SFXN2: variants seen among roughly 807,000 people sequenced by gnomAD.
SFXN2 encodes sideroflexin-2.
In SFXN2, 37 loss-of-function variants were observed where a neutral mutation model predicts 41.9. The ratio of observed to expected loss-of-function variants is 0.88; its 90% CI spans 0.68 to 1.16. SFXN2 has a LOEUF of 1.16. Among genes scored for constraint, SFXN2 ranks in the 50% most tolerant of loss-of-function variants. The pLI is 0.00. For missense variants in SFXN2, 386 were observed against 425.2 expected, an observed-to-expected ratio of 0.91 and a Z score of 0.81; for synonymous variants, 150 against 156.7, an observed-to-expected ratio of 0.96 and a Z score of 0.32.
rs1454831740 is a variant in SFXN2, at chr10:102,729,382, C to G, written c.495C>G (p.Asn165Lys). 6.2e-7 allele frequency: 1 copy of G among 1,614,120 alleles called. No individual in the cohort carries two copies. Among genetic ancestry groups the G allele is most frequent in the Non-Finnish European group, 8.5e-7 (1 of 1,180,008 alleles). Reference sequence around the variant, plus strand: ...CTGTGGCCACGGCTGTGGGCATGAACATGTTGACAAAGGTATGGTCTGGGG... The same window carrying G: ...CTGTGGCCACGGCTGTGGGCATGAAGATGTTGACAAAGGTATGGTCTGGGG... The part of the protein sequence containing the change: ...TTAVATAVGM[N>K]MLTKKAPPLV... Residue 165 changes from asparagine to lysine, a missense_variant, in exon 5 of 12, where the codon AAC (asparagine) becomes AAG (lysine). By Grantham distance (94) the Asn-to-Lys change is moderately conservative. Coordinates refer to ENST00000369893, the MANE Select transcript of SFXN2 (RefSeq NM_178858.6).
chr10:102,725,416 A>T (rs1413491847), intron 1 of SFXN2, among the ~76,000 whole-genome samples: 1 of 152,180 alleles, frequency 6.6e-6, no homozygotes, highest in Non-Finnish European at 1.5e-5. Context: ...CCTCAAGGGT[A>T]GACCTTGTTG....
chr10:102,715,488 C>A (rs1423575003), intron 1 of SFXN2, among the ~76,000 whole-genome samples: 1 of 152,190 alleles, frequency 6.6e-6, no homozygotes, highest in Non-Finnish European at 1.5e-5. Flanking sequence ...TACCTCCCAT[C>A]CCTTTCCCGA....
rs1247073020 is a variant in SFXN2 at position 102,732,046 on chromosome 10, C to A, written c.655-106C>A. On this transcript the variant is annotated intron_variant, in intron 7 of 11. Coordinates refer to ENST00000369893, the MANE Select transcript of SFXN2 (RefSeq NM_178858.6). ...TCAGCAACTGGAGGGTCCTTCCCTT[C>A]CCCTTTACCATCTCAGACTTGGCCA... 57 of 1,112,834 alleles carry A rather than the reference C, an allele frequency of 5.1e-5. No homozygotes were observed. The East Asian group carries it at 1.3e-3, about 26-fold the overall frequency. The allele number at this position is 1,112,834 out of a possible 1,614,324, so 68.9% of individuals were successfully genotyped here. A position where few individuals can be genotyped will look rare whatever the true frequency, so the allele number is the denominator to read the frequency against.
At position 102,737,671 on chromosome 10, in the gene SFXN2, C is replaced by T. The variant is rs749099252; in HGVS notation, c.878C>T (p.Pro293Leu). ...CGLFPQKCEL[P>L]VSYLEPKLQD... ...CACTTCTCTCTTTTCAGTGAATTGC[C>T]AGTTTCCTATCTGGAACCGAAGCTC... Residue 293 changes from proline to leucine, a missense_variant, in exon 12 of 12, where the codon CCA becomes CTA. Transcript: ENST00000369893. The T allele has an allele frequency of 1.2e-6, 2 of 1,611,290 alleles. No homozygotes were observed. The highest frequency in any genetic ancestry group is 1.7e-6 in the Non-Finnish European group (2 of 1,177,872).
At chr10:102,726,487 C>A in intron 1 of SFXN2, 125 bp from the exon 2 acceptor site, 1 of 988,720 alleles carries the variant, frequency 1.0e-6, no homozygotes, top group Non-Finnish European at 1.5e-6. Context: ...TGGGCCCTCC[C>A]AAGCTGAGTC....
In SFXN2 at chr10:102,731,729, C is replaced by G. The variant is rs1423866293; in HGVS notation, c.600C>G (p.Leu200=). 6.2e-7 allele frequency: 1 copy of G among 1,613,780 alleles called. No individual in the cohort carries two copies. The highest frequency in any genetic ancestry group is 1.7e-5 in the Admixed American group (1 of 59,986). ...VNIPMMRQQE[L]IKGICVKDRN... ...AACTCCTGTCTGTGTTTAGGGAGCTCATAAAGGGAATCTGCGTGAAGGACA... is the reference window on the plus strand; with the variant it reads ...AACTCCTGTCTGTGTTTAGGGAGCTGATAAAGGGAATCTGCGTGAAGGACA... Residue 200 remains leucine (L), a synonymous_variant, in exon 7 of 12, where the codon CTC becomes CTG. Transcript: ENST00000369893.
rs1006252166 is a variant in SFXN2, at chr10:102,732,226, G to A, written c.721+8G>A. The stretch of plus-strand genomic sequence containing the variant: ...TGTCAGCTCCTGGGATGAGTAAGAT[G>A]GGGAAGCCCTTCCATCCTGGGGAAG... On this transcript the variant is annotated splice_region_variant and intron_variant, in intron 8 of 11. Coordinates refer to ENST00000369893, the MANE Select transcript of SFXN2 (RefSeq NM_178858.6). 1.1e-5 allele frequency: 17 copies of A among 1,613,160 alleles called. No homozygotes were observed. Among genetic ancestry groups the A allele is most frequent in the Non-Finnish European group, 1.4e-5 (16 of 1,179,512 alleles).
rs182958663 is a variant in SFXN2, at chr10:102,742,763, C to T, written c.*5001C>T. The T allele has an allele frequency of 5.9e-5, 9 of 152,360 alleles. No homozygotes were observed. Among genetic ancestry groups the T allele is most frequent in the Admixed American group, 5.9e-4 (9 of 15,292 alleles). 9.4% of individuals were successfully genotyped at this position (152,360 alleles called of 1,614,324 possible). On this transcript the variant is annotated 3_prime_UTR_variant, in exon 12 of 12. Transcript: ENST00000369893. ...AGGATTATAAGCATGAGCCACCACA[C>T]CTGGCTATTTTACCAACATTGATCA...
intron 1 of SFXN2, among the ~76,000 whole-genome samples, chr10:102,725,608 A>G (rs979063529): frequency 6.6e-6 from 1 of 151,994 alleles, no homozygotes; most frequent in African/African-American, 2.4e-5. Context: ...AAATAATAAA[A>G]CAGGCCAGAT....
Position 102,729,774 on chromosome 10 carries a change from GCTAA to G in SFXN2, c.562_565del (p.Asn188ValfsTer6), listed in dbSNP as rs764672564. 3.2e-5 allele frequency: 51 copies of G among 1,614,060 alleles called. No homozygotes were observed. Among genetic ancestry groups the G allele is most frequent in the Non-Finnish European group, 4.2e-5 (49 of 1,180,042 alleles). On this transcript the variant is annotated frameshift_variant, in exon 6 of 12. Transcript: ENST00000369893. LOFTEE classifies it high-confidence loss of function. ...GGTGCCCTTTGCCGCTGTGGCTGCGGCTAACTGTGTCAATATCCCCATGATGCGA... is the reference window on the plus strand; with the variant it reads ...GGTGCCCTTTGCCGCTGTGGCTGCGGCTGTGTCAATATCCCCATGATGCGA...
chr10:102,735,888 G>T lies in SFXN2; in HGVS notation c.848G>T (p.Cys283Phe). The T allele has an allele frequency of 6.2e-7, 1 of 1,614,168 alleles. No individual in the cohort carries two copies. Among genetic ancestry groups the T allele is most frequent in the Non-Finnish European group, 8.5e-7 (1 of 1,180,026 alleles). The change falls in exon 11 of 12, where the codon TGT (cysteine) becomes TTT (phenylalanine). Residue 283 changes from cysteine to phenylalanine, a missense_variant. Transcript: ENST00000369893. ...CTCATCTTCATGGTGCCAGTGGCGT[G>T]TGGGCTTTTCCCACAGAAATGGTAT... ...CFLIFMVPVACGLFPQKCELP... is the reference protein window; with the variant it reads ...CFLIFMVPVAFGLFPQKCELP...
Position 102,743,214 on chromosome 10 carries a change from T to A in SFXN2, c.*5452T>A, listed in dbSNP as rs1842814421. On this transcript the variant is annotated 3_prime_UTR_variant, in exon 12 of 12. Coordinates refer to ENST00000369893, the MANE Select transcript of SFXN2 (RefSeq NM_178858.6). ...GTGGCGGAAATTTGAGAGGAAGAAT[T>A]GTCAACTTGCAGGGCAGCAGGGAAG... 1 of 152,314 alleles carries A rather than the reference T, an allele frequency of 6.6e-6. No homozygotes were observed. The highest frequency in any genetic ancestry group is 2.1e-4 in the South Asian group (1 of 4,836). The allele number at this position is 152,314 out of a possible 1,614,324, so 9.4% of individuals were successfully genotyped here. A position where few individuals can be genotyped will look rare whatever the true frequency, so the allele number is the denominator to read the frequency against.
chr10:102,731,467 CA>C (rs1393457872), intron 6 of SFXN2, among the ~76,000 whole-genome samples: 5 of 152,104 alleles, frequency 3.3e-5, no homozygotes, highest in African/African-American at 1.2e-4. Context: ...AGACTGTGCT[CA>C]AGGTCACACA....
intron 1 of SFXN2, among the ~76,000 whole-genome samples, chr10:102,722,704 C>G (rs755432389): frequency 6.6e-6 from 1 of 151,696 alleles, no homozygotes; most frequent in Non-Finnish European, 1.5e-5. Context: ...CCACGCCTGG[C>G]TATGTTTTTT....
rs1162348115 is a variant in SFXN2 at position 102,734,569 on chromosome 10, A to G, written c.821+966A>G. Among the ~76,000 whole-genome samples, 1 of 152,224 alleles carries G rather than the reference A, an allele frequency of 6.6e-6. No individual in the cohort carries two copies. Among genetic ancestry groups the G allele is most frequent in the African/African-American group, 2.4e-5 (1 of 41,444 alleles). The stretch of plus-strand genomic sequence containing the variant: ...CTGCTGGAGCTGAGATTTGATCAAC[A>G]GTCTAACATTATGCTATACCAACTT... On this transcript the variant is annotated intron_variant, in intron 10 of 11. Coordinates refer to ENST00000369893, the MANE Select transcript of SFXN2 (RefSeq NM_178858.6). This position sits in a 1 kb window ranked among gnomAD's most constrained non-coding sequence, Gnocchi z 4.1.
At chr10:102,736,014 G>A in intron 11 of SFXN2, 105 bp downstream of exon 11, 1 of 1,116,400 alleles carries the variant, frequency 9.0e-7, no homozygotes. Context: ...AGGAAGGGCA[G>A]CACCTGTCTG....
intron 1 of SFXN2, among the ~76,000 whole-genome samples, chr10:102,724,428 A>G (rs2136037923): frequency 1.3e-5 from 2 of 152,162 alleles, no homozygotes; most frequent in South Asian, 4.2e-4. Context: ...TTCCGGCTGG[A>G]CGTGGTGGCT....
chr10:102,719,803 T>C (rs2064480437), intron 1 of SFXN2, among the ~76,000 whole-genome samples: 1 of 152,160 alleles, frequency 6.6e-6, no homozygotes, highest in Non-Finnish European at 1.5e-5. Context: ...GTGAATTATT[T>C]AACTTAGCTA....
Position 102,721,069 on chromosome 10 carries a change from G to A in SFXN2, c.-25-5543G>A, listed in dbSNP as rs192667828. ...TTCTGGACTCTGAGCCATTACCCGC[G>A]TTGCTCCCTCTCCCCTGGGATGGTC... On this transcript the variant is annotated intron_variant, in intron 1 of 11. Coordinates refer to ENST00000369893, the MANE Select transcript of SFXN2 (RefSeq NM_178858.6). 3.3e-5 allele frequency among the ~76,000 whole-genome samples: 5 copies of A among 152,240 alleles called. No homozygotes were observed. In the South Asian group the frequency reaches 6.2e-4, roughly 19 times the overall value.
Sources: gnomAD v4.1 joint callset for allele counts (sites outside exome capture counted in the v4.1 genomes callset) on GRCh38, gnomAD v4.1.1 for gene constraint, Gnocchi (gnomAD v3.1) non-coding constraint, MANE v1.5 for transcripts, NCBI Gene and HGNC (gene_info 2026-07-23, HGNC 2026-07-21) for gene names.